IFNGR1: variants seen among roughly 807,000 people sequenced by gnomAD.
IFNGR1 encodes the protein AVP, type 2.
IFNGR1 carries 23 observed loss-of-function variants against 35.4 expected under a neutral mutation model. The ratio of observed to expected loss-of-function variants is 0.65; its 90% confidence interval spans 0.47 to 0.92. IFNGR1 has a LOEUF of 0.92. IFNGR1 is among the 40% of genes least tolerant of loss of function. The probability of loss-of-function intolerance (pLI) is 0.00; values close to 1 mark genes in which losing one functional copy is unlikely to be tolerated. For missense variants in IFNGR1, 533 were observed against 583.4 expected (o/e 0.91, Z 0.89); for synonymous variants, 199 against 209.5 (o/e 0.95, Z 0.43).
intron 1 of IFNGR1, among the ~76,000 whole-genome samples, chr6:137,213,725 T>TA (rs1292539847): frequency 6.6e-6 from 1 of 152,158 alleles, no homozygotes; most frequent in African/African-American, 2.4e-5. Context: ...TTGGTGAATG[T>TA]AGGGTGGATG....
At chr6:137,201,748 A>T (rs995514584) in intron 5 of IFNGR1, among the ~76,000 whole-genome samples, 1 of 152,024 alleles carries the variant, frequency 6.6e-6, no homozygotes, top group African/African-American at 2.4e-5. Context: ...ATTTAGCCCC[A>T]CTCCTCAGAA....
At chr6:137,204,902 G>C (rs962441294) in intron 3 of IFNGR1, among the ~76,000 whole-genome samples, 1 of 152,092 alleles carries the variant, frequency 6.6e-6, no homozygotes, top group Non-Finnish European at 1.5e-5. Context: ...AATGGCATTA[G>C]TTTTCTTCCC....
At chr6:137,199,463 ATTATATAAAATATATAATT>A in intron 6 of IFNGR1, among the ~76,000 whole-genome samples, 1 of 95,762 alleles carries the variant, frequency 1.0e-5, no homozygotes, top group Non-Finnish European at 1.9e-5. Context: ...TATAACTTAT[ATTATATAAAATATATAATT>A]TATAATATAT....
chr6:137,206,871 G>T (rs950242339), intron 2 of IFNGR1, 92 bp downstream of exon 2: 8 of 974,174 alleles, frequency 8.2e-6, no homozygotes, highest in Non-Finnish European at 1.1e-5. Context: ...GTTTTGCCAC[G>T]TGGGAAGGCT....
chr6:137,203,418 C>T (rs1174871533), intron 5 of IFNGR1, 81 bp downstream of exon 5: 7 of 787,458 alleles, frequency 8.9e-6, no homozygotes, highest in Non-Finnish European at 1.6e-5. Context: ...TTTGAAACTG[C>T]AAATGAGTTT....
chr6:137,201,011 T>TA lies in IFNGR1; in HGVS notation c.734-4dup. The TA allele has an allele frequency of 1.2e-6, 2 of 1,613,108 alleles. No homozygotes were observed. The highest frequency in any genetic ancestry group is 1.7e-6 in the Non-Finnish European group (2 of 1,179,288). The stretch of plus-strand genomic sequence containing the variant: ...AACAACTGGAATCCAAAGAGAACCT[T>TA]AAAAAAGGCAGAAATCACAAGTTAC... On this transcript the variant is annotated splice_region_variant and splice_polypyrimidine_tract_variant and intron_variant, in intron 5 of 6. Coordinates refer to ENST00000367739, the MANE Select transcript of IFNGR1 (RefSeq NM_000416.3).
At chr6:137,216,272 T>C (rs1779694951) in intron 1 of IFNGR1, among the ~76,000 whole-genome samples, 1 of 152,340 alleles carries the variant, frequency 6.6e-6, no homozygotes, top group Non-Finnish European at 1.5e-5. Flanking sequence ...AGCCTTCCAG[T>C]TGGTGTGAAG....
Position 137,198,459 on chromosome 6 carries a change from C to T in IFNGR1, c.1042G>A (p.Glu348Lys), listed in dbSNP as rs1422804324. The change falls in exon 7 of 7, where the codon GAA becomes AAA. Residue 348 changes from glutamate to lysine, a missense_variant. Transcript: ENST00000367739. ...DNPGKVEHTEELSSITEVVTT... is the reference protein window; with the variant it reads ...DNPGKVEHTEKLSSITEVVTT... ...ACCACTTCTGTTATACTAGAAAGTTCTTCTGTATGTTCCACTTTTCCTGGA... is the reference window on the plus strand; with the variant it reads ...ACCACTTCTGTTATACTAGAAAGTTTTTCTGTATGTTCCACTTTTCCTGGA... 2.5e-6 allele frequency: 4 copies of T among 1,613,990 alleles called. No individual in the cohort carries two copies. Among genetic ancestry groups the T allele is most frequent in the Admixed American group, 3.3e-5 (2 of 59,980 alleles).
intron 2 of IFNGR1, 84 bp downstream of exon 2, chr6:137,206,879 G>T (rs906180253): frequency 5.8e-6 from 6 of 1,042,970 alleles, no homozygotes; most frequent in Middle Eastern, 4.0e-4. Flanking sequence ...ACGTGGGAAG[G>T]CTGATGAAAG....
Position 137,197,788 on chromosome 6 carries a change from T to C in IFNGR1, c.*243A>G, listed in dbSNP as rs1374080706. 6.7e-6 allele frequency: 3 copies of C among 448,314 alleles called. No individual in the cohort carries two copies. Among genetic ancestry groups the C allele is most frequent in the Non-Finnish European group, 1.2e-5 (3 of 246,400 alleles). The allele number at this position is 448,314 out of a possible 1,614,324, so 27.8% of individuals were successfully genotyped here. A position where few individuals can be genotyped will look rare whatever the true frequency, so the allele number is the denominator to read the frequency against. On this transcript the variant is annotated 3_prime_UTR_variant, in exon 7 of 7. Transcript: ENST00000367739. ...ATACTGTTCCGTTACTGGTAACCTA[T>C]CTGGATGTAAAGGTTCATAAGTTAC...
rs536625995 is a variant in IFNGR1, at chr6:137,218,584, T to C, written c.85+659A>G. On this transcript the variant is annotated intron_variant, in intron 1 of 6. Coordinates refer to ENST00000367739, the MANE Select transcript of IFNGR1 (RefSeq NM_000416.3). Reference sequence around the variant, plus strand: ...TGCATACTTTCCTACCCTAAGCACTTTGAGTCCCCCCCCCCACCCCCGCTA... The same window carrying C: ...TGCATACTTTCCTACCCTAAGCACTCTGAGTCCCCCCCCCCACCCCCGCTA... 592 of 1,056,794 alleles carry C rather than the reference T, an allele frequency of 5.6e-4. 1 individual carries two copies. In the African/African-American group the frequency reaches 9.1e-3, roughly 16 times the overall value. 65.5% of individuals were successfully genotyped at this position (1,056,794 alleles called of 1,614,324 possible).
chr6:137,215,443 A>T, intron 1 of IFNGR1: 1 of 1,015,310 alleles, frequency 9.8e-7, no homozygotes, highest in Non-Finnish European at 1.4e-6. Context: ...CTAAACAGAT[A>T]CCTAGTATTC....
intron 6 of IFNGR1, 46 bp from the exon 7 acceptor site, chr6:137,198,685 A>G (rs779759713): frequency 6.7e-7 from 1 of 1,489,790 alleles, no homozygotes; most frequent in Non-Finnish European, 9.3e-7. Context: ...GTTAAGCTTA[A>G]GTGCCTACCC....
intron 1 of IFNGR1, chr6:137,209,869 G>A: frequency 2.5e-6 from 1 of 398,620 alleles, no homozygotes; most frequent in Non-Finnish European, 4.4e-6. Flanking sequence ...GAACAATGGA[G>A]CCACACATTC....
chr6:137,219,306 G>T lies in IFNGR1; in HGVS notation c.22C>A (p.Pro8Thr). Residue 8 changes from proline (P) to threonine (T), a missense_variant, in exon 1 of 7, where the codon CCC becomes ACC. Coordinates refer to ENST00000367739, the MANE Select transcript of IFNGR1 (RefSeq NM_000416.3). MALLFLLPLVMQGVSRAE... is the reference protein window; with the variant it reads MALLFLLTLVMQGVSRAE... ...CTGCTCACACCCTGCATGACAAGGG[G>T]TAGGAGAAAGAGGAGAGCCATGCTG... 6.2e-7 allele frequency: 1 copy of T among 1,610,378 alleles called. No homozygotes were observed.
intron 6 of IFNGR1, among the ~76,000 whole-genome samples, chr6:137,200,159 G>A (rs1445235910): frequency 6.6e-6 from 1 of 152,134 alleles, no homozygotes; most frequent in African/African-American, 2.4e-5. Context: ...TCATTTGTGA[G>A]TTGACTACTA....
intron 1 of IFNGR1, among the ~76,000 whole-genome samples, chr6:137,213,016 GTTTTGCCAAATATTATT>G (rs1397913685): frequency 4.6e-5 from 7 of 152,158 alleles, no homozygotes; most frequent in South Asian, 2.1e-4. Flanking sequence ...ATCTGCCTTT[GTTTTGCCAAATATTATT>G]TTTTGCCAAA....
chr6:137,199,500 A>AT lies in IFNGR1; in HGVS notation c.862-862_862-861insA, dbSNP rs1779201890. Among the ~76,000 whole-genome samples the AT allele has an allele frequency of 1.4e-4, 2 of 14,492 alleles. 1 individual carries two copies. Among genetic ancestry groups the AT allele is most frequent in the Non-Finnish European group, 3.8e-4 (2 of 5,206 alleles). The allele number at this position is 14,492 out of a possible 152,430, so 9.5% of individuals were successfully genotyped here. ...ATATAATTTATAATATATTATATAA[A>AT]ATATATAATTTATAATATATTATAT... On this transcript the variant is annotated intron_variant, in intron 6 of 6. Transcript: ENST00000367739.
In IFNGR1 at chr6:137,204,358, C is replaced by A. The variant is rs779677441; in HGVS notation, c.520G>T (p.Val174Leu). Residue 174 changes from valine (V) to leucine (L), a missense_variant, in exon 4 of 7, where the codon GTG (valine) becomes TTG (leucine). By Grantham distance (32) the Val-to-Leu change is conservative. Transcript: ENST00000367739. ...TCACTTCCGTTCATTCTCACATACACATTGTACACCCTAATGTAACAGGTA... is the reference window on the plus strand; with the variant it reads ...TCACTTCCGTTCATTCTCACATACAAATTGTACACCCTAATGTAACAGGTA... ...ETTCYIRVYN[V>L]YVRMNGSEIQ... The A allele has an allele frequency of 9.3e-6, 15 of 1,613,910 alleles. No individual in the cohort carries two copies. The highest frequency in any genetic ancestry group is 1.3e-5 in the Non-Finnish European group (15 of 1,179,810).
Sources: gnomAD v4.1 joint callset for allele counts (sites outside exome capture counted in the v4.1 genomes callset) on GRCh38, gnomAD v4.1.1 for gene constraint, MANE v1.5 for transcripts, NCBI Gene and HGNC (gene_info 2026-07-23, HGNC 2026-07-21) for gene names.